The following SYNPR variants were observed in gnomAD, a reference collection of about 807,000 sequenced individuals.
SYNPR encodes the protein synaptoporin.
SYNPR carries 23 observed loss-of-function variants against 32.9 expected under a neutral mutation model. The observed-to-expected ratio is 0.70, with a 90% CI of 0.50 to 0.99. The LOEUF (loss-of-function observed/expected upper bound fraction) is 0.99, where lower values mean the gene tolerates loss of function less well. SYNPR is among the 50% of genes least tolerant of loss of function. The pLI is 0.00. For missense variants in SYNPR, 318 were observed against 349.3 expected (o/e 0.91, Z 0.71); for synonymous variants, 146 against 135.9 (o/e 1.07, Z -0.52).
intron 2 of SYNPR, among the ~76,000 whole-genome samples, chr3:63,294,855 T>A (rs947243137): frequency 1.3e-5 from 2 of 152,172 alleles, no homozygotes; most frequent in South Asian, 4.1e-4. Context: ...TATTCAGTAC[T>A]TTTCTGAAAT....
chr3:63,510,421 C>G (rs963719721), intron 3 of SYNPR, among the ~76,000 whole-genome samples: 1 of 152,122 alleles, frequency 6.6e-6, no homozygotes, highest in African/African-American at 2.4e-5. Context: ...CTGCCATTTT[C>G]AATGTGTGGT....
At chr3:63,400,033 G>A (rs35154997) in intron 2 of SYNPR, among the ~76,000 whole-genome samples, 65,686 of 151,964 alleles carry the variant, frequency 0.43, 14,302 homozygotes, top group Middle Eastern at 0.52. Context: ...CCAGTCCCCA[G>A]CCCATTCTGC....
chr3:63,540,129 T>C (rs1318910048), intron 3 of SYNPR, among the ~76,000 whole-genome samples: 1 of 152,192 alleles, frequency 6.6e-6, no homozygotes, highest in Non-Finnish European at 1.5e-5. Context: ...ACACTTATTA[T>C]GTGCCAGGCA....
rs185977729 is a variant in SYNPR at position 63,287,994 on chromosome 3, C to G, written c.84+9252C>G. Among the ~76,000 whole-genome samples, 548 of 152,326 alleles carry G rather than the reference C, an allele frequency of 3.6e-3. 1 individual carries two copies. Among genetic ancestry groups the G allele is most frequent in the Non-Finnish European group, 5.3e-3 (362 of 68,028 alleles). ...AGCAAGAGTGCCACTATTATTATGT[C>G]TTTGTCACTGTCCTGCCTGCCCTCT... On this transcript the variant is annotated intron_variant, in intron 2 of 5. Transcript: ENST00000478300.
chr3:63,548,312 G>A (rs1049100369), intron 3 of SYNPR, among the ~76,000 whole-genome samples: 4 of 151,998 alleles, frequency 2.6e-5, no homozygotes, highest in Non-Finnish European at 5.9e-5. Context: ...GTGCCAACAG[G>A]TGATCTTTAG....
In SYNPR at chr3:63,502,071, G is replaced by T. The variant is rs561382379; in HGVS notation, c.209+21115G>T. Among the ~76,000 whole-genome samples the T allele has an allele frequency of 4.6e-5, 7 of 152,024 alleles. No individual in the cohort carries two copies. In the South Asian group the frequency reaches 1.5e-3, roughly 32 times the overall value. On this transcript the variant is annotated intron_variant, in intron 3 of 5. Coordinates refer to ENST00000478300, the MANE Select transcript of SYNPR (RefSeq NM_001130003.2). ...ACACATAGATGCAAGTGATATTTTC[G>T]ATATATTGGTTTATATAGACATGTT...
chr3:63,378,009 TAAGAGCATAAAAA>T (rs1324750478), intron 2 of SYNPR, among the ~76,000 whole-genome samples: 16 of 151,968 alleles, frequency 1.1e-4, no homozygotes, highest in Non-Finnish European at 2.2e-4. Flanking sequence ...GCATTTATTA[TAAGAGCATAAAAA>T]CTTTAGAAAG....
At chr3:63,362,337 A>C (rs1185747532) in intron 2 of SYNPR, among the ~76,000 whole-genome samples, 1 of 152,178 alleles carries the variant, frequency 6.6e-6, no homozygotes, top group Non-Finnish European at 1.5e-5. Flanking sequence ...CTACTGCAGT[A>C]TATTCAAGCC....
At chr3:63,337,721 A>T (rs2087313145) in intron 2 of SYNPR, among the ~76,000 whole-genome samples, 2 of 152,202 alleles carry the variant, frequency 1.3e-5, no homozygotes, top group African/African-American at 4.8e-5. Flanking sequence ...GACATGGAGT[A>T]ATCTTAAGTG....
At chr3:63,490,665 G>T (rs1434759213) in intron 3 of SYNPR, among the ~76,000 whole-genome samples, 1 of 152,110 alleles carries the variant, frequency 6.6e-6, no homozygotes, top group East Asian at 1.9e-4. Flanking sequence ...GTTGAGTAGT[G>T]TTGGACAGTC....
intron 2 of SYNPR, among the ~76,000 whole-genome samples, chr3:63,260,093 A>G (rs936593192): frequency 1.3e-5 from 2 of 152,210 alleles, no homozygotes; most frequent in African/African-American, 4.8e-5. Flanking sequence ...ATGGAAGAAC[A>G]TTCCATGCTC....
At chr3:63,343,231 A>C (rs772214573) in intron 2 of SYNPR, among the ~76,000 whole-genome samples, 6 of 152,192 alleles carry the variant, frequency 3.9e-5, no homozygotes, top group Non-Finnish European at 8.8e-5. Flanking sequence ...ATGGGAAGGC[A>C]CTTAGGTACT....
At chr3:63,267,061 G>T (rs929633196) in intron 2 of SYNPR, among the ~76,000 whole-genome samples, 2 of 152,130 alleles carry the variant, frequency 1.3e-5, no homozygotes, top group African/African-American at 4.8e-5. Flanking sequence ...GAACTGATGT[G>T]CAAAGTTATA....
chr3:63,434,334 T>C (rs919662519), intron 2 of SYNPR, among the ~76,000 whole-genome samples: 9 of 152,228 alleles, frequency 5.9e-5, no homozygotes, highest in Non-Finnish European at 1.2e-4. Flanking sequence ...ACTTGTGTCA[T>C]TGTAATTTCC....
chr3:63,368,106 T>C (rs970787051), intron 2 of SYNPR, among the ~76,000 whole-genome samples: 7 of 152,190 alleles, frequency 4.6e-5, no homozygotes, highest in Non-Finnish European at 1.0e-4. Context: ...GCATGATGTT[T>C]AGAAGGAGGA....
At chr3:63,534,230 C>T (rs1014230098) in intron 3 of SYNPR, among the ~76,000 whole-genome samples, 1 of 152,118 alleles carries the variant, frequency 6.6e-6, no homozygotes, top group African/African-American at 2.4e-5. Context: ...AAGAAGTCAT[C>T]AAATAATGGC....
intron 2 of SYNPR, among the ~76,000 whole-genome samples, chr3:63,431,626 G>A (rs895674947): frequency 6.6e-6 from 1 of 152,002 alleles, no homozygotes; most frequent in Non-Finnish European, 1.5e-5. Context: ...TCTATGTGGA[G>A]AGAACAGCAT....
At chr3:63,413,722 A>G (rs899908005) in intron 2 of SYNPR, among the ~76,000 whole-genome samples, 1 of 152,136 alleles carries the variant, frequency 6.6e-6, no homozygotes, top group Non-Finnish European at 1.5e-5. Context: ...CTGCTGTTAC[A>G]TGTAAGTTGC....
chr3:63,208,815 C>T, the SYNPR span, among the ~76,000 whole-genome samples: 5 of 152,176 alleles, frequency 3.3e-5, no homozygotes, highest in South Asian at 2.1e-4. Context: ...TTGGCATAGC[C>T]GGTTAGTAAG....
Sources: gnomAD v4.1 joint callset for allele counts (sites outside exome capture counted in the v4.1 genomes callset) on GRCh38, gnomAD v4.1.1 for gene constraint, MANE v1.5 for transcripts, NCBI Gene and HGNC (gene_info 2026-07-23, HGNC 2026-07-21) for gene names.